The following MYO15A variants were observed in gnomAD, a reference collection of about 807,000 sequenced individuals.
The protein encoded by MYO15A is unconventional myosin-XV.
A neutral mutation model predicts 394.6 loss-of-function variants in MYO15A; 308 were observed. The ratio of observed to expected loss-of-function variants is 0.78; its 90% CI spans 0.71 to 0.86. The LOEUF (loss-of-function observed/expected upper bound fraction) is 0.86. Ranked by LOEUF, MYO15A falls within the 40% of genes least tolerant of loss-of-function variation. MYO15A has a pLI of 0.00. For missense variants in MYO15A, 4,606 were observed against 4,799.1 expected (o/e 0.96, Z 1.19); for synonymous variants, 1,957 against 2,003.8 (o/e 0.98, Z 0.62).
intron 17 of MYO15A, 117 bp downstream of exon 17, chr17:18,138,363 G>T (rs2046318332): frequency 7.5e-7 from 1 of 1,341,330 alleles, no homozygotes; most frequent in African/African-American, 1.4e-5. Flanking sequence ...GCAGTGGGGG[G>T]TTGGGACACC....
At position 18,135,910 on chromosome 17, in the gene MYO15A, C is replaced by G. The variant is rs1000814207; in HGVS notation, c.4596+86C>G. On this transcript the variant is annotated intron_variant, in intron 13 of 65. Coordinates refer to ENST00000647165, the MANE Select transcript of MYO15A (RefSeq NM_016239.4). ...CTTGTGCCGATCCTTTGTGGGCAGC[C>G]TCTCCCTCTCTCCTGCTCTCTCTGT... 5.1e-6 allele frequency: 6 copies of G among 1,174,666 alleles called. No individual in the cohort carries two copies. The African/African-American group carries it at 9.1e-5, about 18-fold the overall frequency. The allele number at this position is 1,174,666 out of a possible 1,614,324, so 72.8% of individuals were successfully genotyped here.
At position 18,120,800 on chromosome 17, in the gene MYO15A, C is replaced by G. The variant is rs2045907194; in HGVS notation, c.2000C>G (p.Pro667Arg). Residue 667 changes from proline to arginine, a missense_variant, in exon 2 of 66, where the codon CCG becomes CGG. Pro to Arg is a moderately radical substitution (Grantham distance 103). This residue lies in a region of MYO15A where 1,830 missense variants were observed against 1,689.7 expected (regional missense o/e 1.08). Coordinates refer to ENST00000647165, the MANE Select transcript of MYO15A (RefSeq NM_016239.4). The stretch of plus-strand genomic sequence containing the variant: ...GCGCTCCTGTCTCCGCCCGTGCCCC[C>G]GCGGCCCCCAAGCTCCGGGCCCCCG... ...WSALLSPPVPPRPPSSGPPPA... is the reference protein window; with the variant it reads ...WSALLSPPVPRRPPSSGPPPA... The G allele has an allele frequency of 1.5e-6, 2 of 1,303,220 alleles. No individual in the cohort carries two copies. The highest frequency in any genetic ancestry group is 4.0e-5 in the Admixed American group (1 of 24,800). 80.7% of individuals were successfully genotyped at this position (1,303,220 alleles called of 1,614,324 possible).
At chr17:18,111,332 C>A (rs777155149) in intron 1 of MYO15A, among the ~76,000 whole-genome samples, 4 of 119,986 alleles carry the variant, frequency 3.3e-5, no homozygotes, top group Non-Finnish European at 6.9e-5. Flanking sequence ...CAGAGCCTGT[C>A]TCAAAAGAGA....
chr17:18,173,909 G>A lies in MYO15A; in HGVS notation c.10479G>A (p.Leu3493=), dbSNP rs1407502840. 4 of 1,613,186 alleles carry A rather than the reference G, an allele frequency of 2.5e-6. No homozygotes were observed. In the South Asian group the frequency reaches 3.3e-5, roughly 13 times the overall value. Residue 3493 remains leucine (L), a synonymous_variant, in exon 65 of 66, where the codon CTG becomes CTA. Transcript: ENST00000647165. ...GDVAAQRTLQ[L]QLEQGLELCR... ...TGGCGGCCCAGCGCACCTTGCAGCTGCAGCTGGAGCAGGTGGGCCCAGCGC... is the reference window on the plus strand; with the variant it reads ...TGGCGGCCCAGCGCACCTTGCAGCTACAGCTGGAGCAGGTGGGCCCAGCGC...
At position 18,173,762 on chromosome 17, in the gene MYO15A, C is replaced by G; in HGVS notation, c.10351-19C>G. 6.2e-7 allele frequency: 1 copy of G among 1,613,768 alleles called. No homozygotes were observed. Among genetic ancestry groups the G allele is most frequent in the Non-Finnish European group, 8.5e-7 (1 of 1,180,028 alleles). ...TCCTCGCCCACAGGCCTGTCCGGCC[C>G]CTCTCCTCCTACTCCCAGGAATTGA... On this transcript the variant is annotated intron_variant, in intron 64 of 65. Transcript: ENST00000647165.
In MYO15A at chr17:18,147,466, G is replaced by T. The variant is rs138395799; in HGVS notation, c.6510-563G>T. Among the ~76,000 whole-genome samples, 1 of 152,312 alleles carries T rather than the reference G, an allele frequency of 6.6e-6. No individual in the cohort carries two copies. The highest frequency in any genetic ancestry group is 1.5e-5 in the Non-Finnish European group (1 of 68,032). ...CTTAGCTGCAGGAGATGTAGGATGT[G>T]GGGGTGAGGGAAGCATGAGGAATGG... is the stretch of plus-strand genomic sequence containing the variant. On this transcript the variant is annotated intron_variant, in intron 30 of 65. Transcript: ENST00000647165. The surrounding 1 kb of genome is among the most constrained non-coding windows in gnomAD (Gnocchi z 4.4).
chr17:18,150,582 G>GC lies in MYO15A; in HGVS notation c.7327+41dup. The GC allele has an allele frequency of 6.2e-7, 1 of 1,612,992 alleles. No individual in the cohort carries two copies. Among genetic ancestry groups the GC allele is most frequent in the Middle Eastern group, 1.7e-4 (1 of 6,052 alleles). ...CAGGGTGGTTCCAGGGTTGGGCAGGGCCAGAGCCACTTGCTGGTGTGCTAG... is the reference window on the plus strand; with the variant it reads ...CAGGGTGGTTCCAGGGTTGGGCAGGGCCCAGAGCCACTTGCTGGTGTGCTAG... On this transcript the variant is annotated intron_variant, in intron 36 of 65. Coordinates refer to ENST00000647165, the MANE Select transcript of MYO15A (RefSeq NM_016239.4). The surrounding 1 kb of genome is among the most constrained non-coding windows in gnomAD (Gnocchi z 4.4).
Position 18,121,046 on chromosome 17 carries a change from G to A in MYO15A, c.2246G>A (p.Arg749His). 1.3e-6 allele frequency: 2 copies of A among 1,508,486 alleles called. No homozygotes were observed. The highest frequency in any genetic ancestry group is 1.8e-6 in the Non-Finnish European group (2 of 1,133,232). 93.4% of individuals were successfully genotyped at this position (1,508,486 alleles called of 1,614,324 possible). A position where few individuals can be genotyped will look rare whatever the true frequency, so the allele number is the denominator to read the frequency against. The change falls in exon 2 of 66, where the codon CGC becomes CAC. Residue 749 changes from arginine to histidine, a missense_variant. Arg to His is a conservative substitution (Grantham distance 29, BLOSUM62 0). Transcript: ENST00000647165. The surrounding 1 kb of genome is among the most constrained non-coding windows in gnomAD (Gnocchi z 5.3). The stretch of plus-strand genomic sequence containing the variant: ...CCCCGACCCTCGTTCAGGGGCTCCC[G>A]CCGGAGAGGGGCGGCTTTCGGCTTC... ...PGPRPSFRGS[R>H]RRGAAFGFPG...
intron 15 of MYO15A, among the ~76,000 whole-genome samples, chr17:18,137,094 G>T (rs546671585): frequency 6.6e-6 from 1 of 152,166 alleles, no homozygotes; most frequent in African/African-American, 2.4e-5. Flanking sequence ...ACTGGACTTC[G>T]TGTGTTGGGG....
Position 18,120,819 on chromosome 17 carries a change from G to GC in MYO15A, c.2024dup (p.Pro676AlafsTer304). 8.4e-7 allele frequency: 1 copy of GC among 1,192,924 alleles called. No homozygotes were observed. The allele number at this position is 1,192,924 out of a possible 1,614,324, so 73.9% of individuals were successfully genotyped here. A position where few individuals can be genotyped will look rare whatever the true frequency, so the allele number is the denominator to read the frequency against. On this transcript the variant is annotated frameshift_variant, in exon 2 of 66. Coordinates refer to ENST00000647165, the MANE Select transcript of MYO15A (RefSeq NM_016239.4). LOFTEE classifies it high-confidence loss of function. ...TGCCCCCGCGGCCCCCAAGCTCCGG[G>GC]CCCCCGCCCGCGCCGCCGCTCTCCC...
chr17:18,140,475 G>A (rs771253979), intron 19 of MYO15A, 42 bp from the exon 20 acceptor site: 28 of 1,612,724 alleles, frequency 1.7e-5, no homozygotes, highest in South Asian at 1.1e-4. Context: ...TCGGTCTCCC[G>A]GACCCTGCCT....
intron 12 of MYO15A, among the ~76,000 whole-genome samples, chr17:18,135,330 G>A (rs1367001270): frequency 3.3e-5 from 5 of 149,440 alleles, no homozygotes; most frequent in Admixed American, 2.0e-4. Context: ...GCCACCACGC[G>A]TGGCTATTTT....
chr17:18,156,122 T>C (rs1426562991), intron 47 of MYO15A, 73 bp from the exon 48 acceptor site: 46 of 1,610,152 alleles, frequency 2.9e-5, no homozygotes, highest in Non-Finnish European at 3.5e-5. Flanking sequence ...CAGGACAGGA[T>C]CAGAAGCAGC....
At chr17:18,138,746 C>T in intron 17 of MYO15A, 65 bp from the exon 18 acceptor site, 1 of 1,595,772 alleles carries the variant, frequency 6.3e-7, no homozygotes, top group East Asian at 2.3e-5. Flanking sequence ...AGTGAGGTTG[C>T]CACCAGGCCA....
At chr17:18,111,341 GAAAAA>G (rs57095827) in intron 1 of MYO15A, among the ~76,000 whole-genome samples, 2 of 118,950 alleles carry the variant, frequency 1.7e-5, no homozygotes, top group African/African-American at 6.1e-5. Context: ...TCTCAAAAGA[GAAAAA>G]AAAAAAAAAA....
intron 12 of MYO15A, among the ~76,000 whole-genome samples, chr17:18,135,257 G>A (rs1456624238): frequency 2.6e-5 from 4 of 151,980 alleles, no homozygotes; most frequent in African/African-American, 7.3e-5. Flanking sequence ...TGCAACCTCC[G>A]CCTCCTGGGT....
At chr17:18,112,113 G>C (rs984258681) in intron 1 of MYO15A, among the ~76,000 whole-genome samples, 3 of 152,230 alleles carry the variant, frequency 2.0e-5, no homozygotes, top group Admixed American at 6.5e-5. Context: ...CTTTCTTCTG[G>C]ACAGACAGAC....
Position 18,153,922 on chromosome 17 carries a change from G to GAGGGGCTGAAGCGGGGC in MYO15A, c.8088+32_8088+48dup. The GAGGGGCTGAAGCGGGGC allele has an allele frequency of 6.2e-7, 1 of 1,613,264 alleles. No individual in the cohort carries two copies. Among genetic ancestry groups the GAGGGGCTGAAGCGGGGC allele is most frequent in the Non-Finnish European group, 8.5e-7 (1 of 1,179,854 alleles). ...GTGCCGAGCACAGCCGTAGCCAGGG[G>GAGGGGCTGAAGCGGGGC]AGGGGCTGAAGCGGGGCAGGGGAGG... On this transcript the variant is annotated intron_variant, in intron 43 of 65. Coordinates refer to ENST00000647165, the MANE Select transcript of MYO15A (RefSeq NM_016239.4). This position sits in a 1 kb window ranked among gnomAD's most constrained non-coding sequence, Gnocchi z 4.1.
In MYO15A at chr17:18,153,900, C is replaced by T; in HGVS notation, c.8088+4C>T. Reference sequence around the variant, plus strand: ...GAAGATCTTCCTGCGCAAAGAGGTGCCGAGCACAGCCGTAGCCAGGGGAGG... The same window carrying T: ...GAAGATCTTCCTGCGCAAAGAGGTGTCGAGCACAGCCGTAGCCAGGGGAGG... On this transcript the variant is annotated splice_donor_region_variant and intron_variant, in intron 43 of 65. Transcript: ENST00000647165. The surrounding 1 kb of genome is among the most constrained non-coding windows in gnomAD (Gnocchi z 4.1). 1 of 1,613,416 alleles carries T rather than the reference C, an allele frequency of 6.2e-7. No homozygotes were observed. The highest frequency in any genetic ancestry group is 1.6e-4 in the Middle Eastern group (1 of 6,062).
Sources: gnomAD v4.1 joint callset for allele counts (sites outside exome capture counted in the v4.1 genomes callset) on GRCh38, gnomAD v4.1.1 for gene constraint, gnomAD v4.1.1 regional missense constraint, Gnocchi (gnomAD v3.1) non-coding constraint, MANE v1.5 for transcripts, NCBI Gene and HGNC (gene_info 2026-07-23, HGNC 2026-07-21) for gene names.